ALDH8A1: variants seen among roughly 807,000 people sequenced by gnomAD.
ALDH8A1 encodes the protein 2-aminomuconic semialdehyde dehydrogenase.
ALDH8A1 carries 39 observed loss-of-function variants against 43.3 expected under a neutral mutation model. That is an observed-to-expected ratio of 0.90 (90% CI 0.70 to 1.18). ALDH8A1 has a LOEUF of 1.18. Ranked by LOEUF, ALDH8A1 falls within the 50% of genes most tolerant of loss-of-function variation. The probability of loss-of-function intolerance (pLI) is 0.00; values close to 1 mark genes in which losing one functional copy is unlikely to be tolerated. For synonymous variants in ALDH8A1, 233 were observed against 243.5 expected, an observed-to-expected ratio of 0.96 and a Z score of 0.40; for missense variants, 605 against 622.6, an observed-to-expected ratio of 0.97 and a Z score of 0.30.
intron 3 of ALDH8A1, chr6:134,940,228 A>AAAAAAAT: frequency 2.8e-6 from 1 of 358,024 alleles, no homozygotes; most frequent in South Asian, 2.1e-5. Flanking sequence ...GGAACTTCAA[A>AAAAAAAT]AAAAAATAAA....
intron 6 of ALDH8A1, among the ~76,000 whole-genome samples, chr6:134,924,867 C>T (rs1776859139): frequency 6.6e-6 from 1 of 152,068 alleles, no homozygotes; most frequent in Non-Finnish European, 1.5e-5. Flanking sequence ...CTAGGAATCA[C>T]CAAAACACAA....
chr6:134,922,143 A>G (rs1776812541), intron 6 of ALDH8A1, among the ~76,000 whole-genome samples: 1 of 152,204 alleles, frequency 6.6e-6, no homozygotes, highest in South Asian at 2.1e-4. Flanking sequence ...CCTGTTTCCC[A>G]GCAGAAGGTA....
rs1776735046 is a variant in ALDH8A1 at position 134,918,068 on chromosome 6, T to A, written c.*347A>T. 1 of 270,356 alleles carries A rather than the reference T, an allele frequency of 3.7e-6. No individual in the cohort carries two copies. The allele number at this position is 270,356 out of a possible 1,614,324, so 16.7% of individuals were successfully genotyped here. Reference sequence around the variant, plus strand: ...ATGAGGCACTGTGCCTGATTGCATATTTTTTAAAATTTACCAAATGAAATA... The same window carrying A: ...ATGAGGCACTGTGCCTGATTGCATAATTTTTAAAATTTACCAAATGAAATA... On this transcript the variant is annotated 3_prime_UTR_variant, in exon 7 of 7. Transcript: ENST00000265605.
chr6:134,928,968 T>A lies in ALDH8A1; in HGVS notation c.1011+86A>T. On this transcript the variant is annotated intron_variant, in intron 6 of 6. Coordinates refer to ENST00000265605, the MANE Select transcript of ALDH8A1 (RefSeq NM_022568.4). ...AAATGGGGTAGTAACTAACAATATT[T>A]CAGAGTCTGATTGTGCTATGCCTGT... 2 of 1,439,458 alleles carry A rather than the reference T, an allele frequency of 1.4e-6. 1 individual carries two copies. 89.2% of individuals were successfully genotyped at this position (1,439,458 alleles called of 1,614,324 possible). A position where few individuals can be genotyped will look rare whatever the true frequency, so the allele number is the denominator to read the frequency against.
intron 6 of ALDH8A1, among the ~76,000 whole-genome samples, chr6:134,920,175 C>T (rs1169915316): frequency 6.6e-6 from 1 of 152,188 alleles, no homozygotes; most frequent in Non-Finnish European, 1.5e-5. Flanking sequence ...GCTGGGATTA[C>T]AGGAATGAGC....
chr6:134,949,337 A>C (rs1308150147), intron 1 of ALDH8A1, among the ~76,000 whole-genome samples: 2 of 152,214 alleles, frequency 1.3e-5, no homozygotes, highest in African/African-American at 2.4e-5. Flanking sequence ...GCCATTAAAC[A>C]CTTTGGATAA....
At chr6:134,941,997 A>C (rs1212741359) in intron 3 of ALDH8A1, among the ~76,000 whole-genome samples, 2 of 151,880 alleles carry the variant, frequency 1.3e-5, no homozygotes, top group Admixed American at 1.3e-4. Flanking sequence ...AGGCGGGAGG[A>C]TAACTTGAGG....
At position 134,948,200 on chromosome 6, in the gene ALDH8A1, G is replaced by A. The variant is rs191927663; in HGVS notation, c.138+1716C>T. 3.1e-3 allele frequency among the ~76,000 whole-genome samples: 466 copies of A among 152,278 alleles called. 2 individuals carry two copies. The highest frequency in any genetic ancestry group is 0.01 in the Middle Eastern group (3 of 294). ...CACTCATATGTGGAAGCTTAAAAAA[G>A]TTGATCTCATGGAGGTAGAGAGTAC... On this transcript the variant is annotated intron_variant, in intron 1 of 6. Coordinates refer to ENST00000265605, the MANE Select transcript of ALDH8A1 (RefSeq NM_022568.4).
At chr6:134,942,609 ACT>A in intron 2 of ALDH8A1, 45 bp from the exon 3 acceptor site, 2 of 1,573,834 alleles carry the variant, frequency 1.3e-6, no homozygotes, top group Non-Finnish European at 1.7e-6. Flanking sequence ...TAATGGGGAC[ACT>A]CTATCCATCA....
intron 3 of ALDH8A1, chr6:134,940,075 G>A: frequency 4.3e-6 from 1 of 232,362 alleles, no homozygotes; most frequent in Non-Finnish European, 8.9e-6. Context: ...CCCTGTCAGG[G>A]GAGAGTCGGG....
At position 134,949,952 on chromosome 6, in the gene ALDH8A1, T is replaced by G. The variant is rs770127160; in HGVS notation, c.102A>C (p.Glu34Asp). 3 of 1,612,268 alleles carry G rather than the reference T, an allele frequency of 1.9e-6. No individual in the cohort carries two copies. The African/African-American group carries it at 4.0e-5, about 22-fold the overall frequency. The stretch of plus-strand genomic sequence containing the variant: ...CACTATTTGGCACTCTGCAATACAC[T>G]TCCCCTGTTGATGGGTCGTAAGAAT... ...YIDSYDPSTG[E>D]VYCRVPNSGK... is the part of the protein sequence containing the mutation. Residue 34 changes from glutamate to aspartate, a missense_variant, in exon 1 of 7, where the codon GAA becomes GAC. By Grantham distance (45) the Glu-to-Asp change is conservative. Transcript: ENST00000265605.
At position 134,932,874 on chromosome 6, in the gene ALDH8A1, A is replaced by G; in HGVS notation, c.751T>C (p.Ser251Pro). Residue 251 changes from serine (S) to proline (P), a missense_variant, in exon 5 of 7, where the codon TCC (serine) becomes CCC (proline). Physicochemically the swap from Ser to Pro is moderately conservative, Grantham distance 74. Transcript: ENST00000265605. ...GGATTCTTGCCCCCCAGCTCCAGGG[A>G]GAGCTTTTTGCAGTGGGGAGCGCTC... ...QLSAPHCKKL[S>P]LELGGKNPAI... 1 of 1,614,190 alleles carries G rather than the reference A, an allele frequency of 6.2e-7. No homozygotes were observed. Among genetic ancestry groups the G allele is most frequent in the East Asian group, 2.2e-5 (1 of 44,886 alleles).
At chr6:134,941,330 C>T (rs1773850918) in intron 3 of ALDH8A1, 1 of 152,316 alleles carries the variant, frequency 6.6e-6, no homozygotes, top group South Asian at 2.1e-4. Context: ...CCTCAGCCTC[C>T]CAAGTAGCTG....
At position 134,932,769 on chromosome 6, in the gene ALDH8A1, G is replaced by A; in HGVS notation, c.849+7C>T. 6.2e-7 allele frequency: 1 copy of A among 1,613,662 alleles called. No homozygotes were observed. Among genetic ancestry groups the A allele is most frequent in the Non-Finnish European group, 8.5e-7 (1 of 1,179,754 alleles). On this transcript the variant is annotated splice_region_variant and intron_variant, in intron 5 of 6. Transcript: ENST00000265605. ...GAGGGGAGGGAGAAGAACCCCCGGG[G>A]ACATACCTGGTTGGCAAAGCTGGAC...
intron 5 of ALDH8A1, among the ~76,000 whole-genome samples, chr6:134,932,071 T>A (rs1253977013): frequency 1.3e-5 from 2 of 152,264 alleles, no homozygotes; most frequent in Non-Finnish European, 2.9e-5. Context: ...CCAGGGTTTA[T>A]GTACACCTGC....
At chr6:134,942,917 C>T (rs115022645) in intron 2 of ALDH8A1, among the ~76,000 whole-genome samples, 2,789 of 152,288 alleles carry the variant, frequency 0.018, 51 homozygotes, top group African/African-American at 0.041. Flanking sequence ...CATTGAAATA[C>T]GGGTGTTAGG....
At chr6:134,931,182 G>T (rs1029503389) in intron 5 of ALDH8A1, among the ~76,000 whole-genome samples, 1 of 152,120 alleles carries the variant, frequency 6.6e-6, no homozygotes, top group Non-Finnish European at 1.5e-5. Flanking sequence ...AAGGTTCTCT[G>T]GGCAAACTCA....
intron 6 of ALDH8A1, among the ~76,000 whole-genome samples, chr6:134,923,967 G>A (rs1338081338): frequency 1.3e-5 from 2 of 152,208 alleles, no homozygotes; most frequent in Non-Finnish European, 2.9e-5. Flanking sequence ...TTCTTCCTGG[G>A]AGTCACTGTG....
chr6:134,932,956 C>T lies in ALDH8A1; in HGVS notation c.669G>A (p.Glu223=). The T allele has an allele frequency of 1.9e-6, 3 of 1,613,746 alleles. No homozygotes were observed. Among genetic ancestry groups the T allele is most frequent in the Non-Finnish European group, 2.5e-6 (3 of 1,179,838 alleles). The part of the protein sequence containing the change: ...RVGEALVSHP[E]VPLISFTGSQ... ...TCCCGGTGAAGGAGATCAGGGGCACCTCTGGGTGGGACACCAGGGCCTCAC... is the reference window on the plus strand; with the variant it reads ...TCCCGGTGAAGGAGATCAGGGGCACTTCTGGGTGGGACACCAGGGCCTCAC... The change falls in exon 5 of 7, where the codon GAG becomes GAA. Residue 223 remains glutamate (E), a synonymous_variant. Transcript: ENST00000265605.
Sources: allele counts gnomAD v4.1 joint callset (sites outside exome capture counted in the v4.1 genomes callset), GRCh38; gene constraint gnomAD v4.1.1; transcripts MANE v1.5; gene names NCBI Gene and HGNC (gene_info 2026-07-23, HGNC 2026-07-21).